KLHL8: variants seen among roughly 807,000 people sequenced by gnomAD.
KLHL8 encodes kelch like family member 8.
Under a neutral mutation model 63.5 loss-of-function variants are expected in KLHL8, and 38 were observed. The observed-to-expected ratio is 0.60, with a 90% CI of 0.46 to 0.78. The LOEUF (loss-of-function observed/expected upper bound fraction) is 0.78. Ranked by LOEUF, KLHL8 falls within the 30% of genes least tolerant of loss-of-function variation. KLHL8 has a pLI of 0.00. For synonymous variants in KLHL8, 224 were observed against 254.3 expected, an observed-to-expected ratio of 0.88 and a Z score of 1.13; for missense variants, 566 against 752.4, an observed-to-expected ratio of 0.75 and a Z score of 2.90.
At chr4:87,197,775 C>G (rs1462537632) in intron 1 of KLHL8, among the ~76,000 whole-genome samples, 1 of 152,042 alleles carries the variant, frequency 6.6e-6, no homozygotes, top group Non-Finnish European at 1.5e-5. Flanking sequence ...CACATTCCTG[C>G]TGCAAAATCA....
upstream of KLHL8, among the ~76,000 whole-genome samples, chr4:87,224,061 AT>A (rs200022877): frequency 5.0e-4 from 73 of 147,190 alleles, no homozygotes; most frequent in Middle Eastern, 0.01. Context: ...CAACATTTGC[AT>A]TTTTTTTTTT....
chr4:87,176,749 TG>T lies in KLHL8; in HGVS notation c.1208+7del. ...ATCAGTTCAAAATAACTTTCCATGCTGATCTACCTCTTTGTGTTCATTGATG... is the reference window on the plus strand; with the variant it reads ...ATCAGTTCAAAATAACTTTCCATGCTATCTACCTCTTTGTGTTCATTGATG... On this transcript the variant is annotated splice_region_variant and intron_variant, in intron 6 of 9. Transcript: ENST00000273963. The T allele has an allele frequency of 7.0e-7, 1 of 1,438,812 alleles. No individual in the cohort carries two copies. The highest frequency in any genetic ancestry group is 1.4e-5 in the African/African-American group (1 of 71,056). The allele number at this position is 1,438,812 out of a possible 1,614,324, so 89.1% of individuals were successfully genotyped here.
At chr4:87,217,242 GA>G (rs11297877) in intron 1 of KLHL8, among the ~76,000 whole-genome samples, 60,482 of 141,552 alleles carry the variant, frequency 0.43, 12,670 homozygotes, top group African/African-American at 0.55. Context: ...ATTTTGTTCA[GA>G]AAAAAAAAAA....
intron 1 of KLHL8, among the ~76,000 whole-genome samples, chr4:87,201,276 C>A (rs945366845): frequency 6.6e-6 from 1 of 151,828 alleles, no homozygotes; most frequent in African/African-American, 2.4e-5. Flanking sequence ...TGTTTTTCAC[C>A]GCAATAAAAA....
chr4:87,181,142 G>A (rs1311556874), intron 4 of KLHL8, among the ~76,000 whole-genome samples: 13 of 151,888 alleles, frequency 8.6e-5, no homozygotes, highest in Admixed American at 6.6e-4. Context: ...TTGTTTATAA[G>A]CTGGGCTGGG....
intron 2 of KLHL8, among the ~76,000 whole-genome samples, chr4:87,191,208 C>T (rs559842113): frequency 9.9e-5 from 15 of 152,266 alleles, no homozygotes; most frequent in African/African-American, 3.4e-4. Context: ...GTGGCTCATG[C>T]CTGTAATCCC....
At chr4:87,197,279 G>A (rs983296995) in intron 1 of KLHL8, among the ~76,000 whole-genome samples, 1 of 128,628 alleles carries the variant, frequency 7.8e-6, no homozygotes, top group African/African-American at 2.7e-5. Flanking sequence ...AATACAGTAT[G>A]AGCAGACTGG....
chr4:87,197,306 G>T (rs947451544), intron 1 of KLHL8, among the ~76,000 whole-genome samples: 1 of 152,114 alleles, frequency 6.6e-6, no homozygotes, highest in Non-Finnish European at 1.5e-5. Flanking sequence ...AAGCTTTCCT[G>T]CAGGCCTTGA....
chr4:87,184,906 A>G (rs1731192341), intron 3 of KLHL8, among the ~76,000 whole-genome samples: 1 of 152,202 alleles, frequency 6.6e-6, no homozygotes, highest in Admixed American at 6.5e-5. Context: ...AAACCATTAT[A>G]AAACAATAAT....
intron 1 of KLHL8, among the ~76,000 whole-genome samples, chr4:87,234,619 T>C (rs1194103558): frequency 5.3e-5 from 8 of 152,222 alleles, no homozygotes; most frequent in Non-Finnish European, 1.5e-5. Flanking sequence ...ATGTATATTC[T>C]ATAATACTTG....
intron 1 of KLHL8, among the ~76,000 whole-genome samples, chr4:87,205,400 C>G (rs1454463149): frequency 8.1e-6 from 1 of 124,168 alleles, no homozygotes; most frequent in Non-Finnish European, 1.7e-5. Flanking sequence ...GAGTAAGATT[C>G]TGACTCAAGA....
In KLHL8 at chr4:87,167,811, T is replaced by C. The variant is rs77444493; in HGVS notation, c.1537+2268A>G. The C allele has an allele frequency of 3.6e-3, 745 of 204,758 alleles. 7 individuals are homozygous for C. The highest frequency in any genetic ancestry group is 0.016 in the African/African-American group (698 of 42,932). 12.7% of individuals were successfully genotyped at this position (204,758 alleles called of 1,614,324 possible). The stretch of plus-strand genomic sequence containing the variant: ...GTTAAAGTATTTGTCACTTACAAAA[T>C]CAAACTGAAAAATTTCCTATTAATT... On this transcript the variant is annotated intron_variant, in intron 8 of 9. Transcript: ENST00000273963.
chr4:87,237,228 A>G (rs1733248084), intron 1 of KLHL8, among the ~76,000 whole-genome samples: 2 of 152,174 alleles, frequency 1.3e-5, no homozygotes, highest in South Asian at 4.1e-4. Flanking sequence ...AATGCAAATA[A>G]CAGCAATAAA....
chr4:87,208,582 C>T (rs1466233727), intron 1 of KLHL8, among the ~76,000 whole-genome samples: 1 of 152,076 alleles, frequency 6.6e-6, no homozygotes, highest in Non-Finnish European at 1.5e-5. Flanking sequence ...AGGCCATCTT[C>T]CCCCCTGGGC....
chr4:87,170,531 C>CTCCA lies in KLHL8; in HGVS notation c.1289_1292dup (p.Glu431AspfsTer5). 1 of 1,614,072 alleles carries CTCCA rather than the reference C, an allele frequency of 6.2e-7. No homozygotes were observed. The highest frequency in any genetic ancestry group is 8.5e-7 in the Non-Finnish European group (1 of 1,179,934). ...ACTGATCAGATTCTATGTCATATCT[C>CTCCA]TCCACATCATTGAAGCAAGTATTGT... On this transcript the variant is annotated frameshift_variant, in exon 7 of 10. Coordinates refer to ENST00000273963, the MANE Select transcript of KLHL8 (RefSeq NM_020803.5). LOFTEE classifies it high-confidence loss of function.
At chr4:87,223,536 T>C (rs1291470079), upstream of KLHL8, among the ~76,000 whole-genome samples, 1 of 152,034 alleles carries the variant, frequency 6.6e-6, no homozygotes, top group Admixed American at 6.6e-5. Context: ...AGACTTAGGA[T>C]CTAGACTCGG....
At chr4:87,235,959 G>A (rs1733220053) in intron 1 of KLHL8, among the ~76,000 whole-genome samples, 1 of 152,126 alleles carries the variant, frequency 6.6e-6, no homozygotes, top group Non-Finnish European at 1.5e-5. Context: ...TAAAATGCTT[G>A]GAGCGCCCTC....
In KLHL8 at chr4:87,227,261, A is replaced by G. The variant is rs372684074; in HGVS notation, n.58-5871T>C. The stretch of plus-strand genomic sequence containing the variant: ...GGGGATGGCTGCTTAAAGGAAACTA[A>G]TCCAGTTTTAAAGTATCTCTCTCGT... On this transcript the variant is annotated intron_variant and non_coding_transcript_variant, in intron 1 of 1. Coordinates refer to the KLHL8 transcript ENST00000506274. Among the ~76,000 whole-genome samples the G allele has an allele frequency of 1.8e-4, 27 of 151,878 alleles. No homozygotes were observed. The South Asian group carries it at 5.4e-3, about 30-fold the overall frequency.
At chr4:87,218,771 G>A (rs894579851) in intron 1 of KLHL8, among the ~76,000 whole-genome samples, 4 of 151,950 alleles carry the variant, frequency 2.6e-5, no homozygotes, top group African/African-American at 4.8e-5. Flanking sequence ...GTCTCACTCT[G>A]TCGCCCAGGC....
Sources: allele counts gnomAD v4.1 joint callset (sites outside exome capture counted in the v4.1 genomes callset), GRCh38; gene constraint gnomAD v4.1.1; transcripts MANE v1.5; gene names NCBI Gene and HGNC (gene_info 2026-07-23, HGNC 2026-07-21).